Variants in CRPPA observed in about 807,000 individuals in gnomAD.
CRPPA encodes D-ribitol-5-phosphate cytidylyltransferase.
CRPPA carries 43 observed loss-of-function variants against 52.0 expected under a neutral mutation model. The ratio of observed to expected loss-of-function variants is 0.83; its 90% CI spans 0.65 to 1.07. CRPPA has a LOEUF of 1.07. Among genes scored for constraint, CRPPA ranks in the 50% least tolerant of loss-of-function variants. The probability of loss-of-function intolerance (pLI) is 0.00; values close to 1 mark genes in which losing one functional copy is unlikely to be tolerated. For synonymous variants in CRPPA, 250 were observed against 203.5 expected (o/e 1.23, Z -1.94); for missense variants, 629 against 551.7 (o/e 1.14, Z -1.40).
intron 5 of CRPPA, among the ~76,000 whole-genome samples, chr7:16,281,116 T>C (rs1044827256): frequency 3.9e-5 from 6 of 152,208 alleles, no homozygotes; most frequent in African/African-American, 1.2e-4. Flanking sequence ...CATTGCCACA[T>C]AAATTTTTAC....
intron 6 of CRPPA, among the ~76,000 whole-genome samples, chr7:16,270,894 T>C (rs569075388): frequency 2.0e-4 from 31 of 152,124 alleles, no homozygotes; most frequent in Non-Finnish European, 3.8e-4. Context: ...CTTTATTGCA[T>C]GTGCTAGTTT....
chr7:16,338,370 AG>A (rs143701915), intron 3 of CRPPA, among the ~76,000 whole-genome samples: 187 of 152,348 alleles, frequency 1.2e-3, no homozygotes, highest in African/African-American at 4.4e-3. Flanking sequence ...TTAGGTATGT[AG>A]GGAATATATC....
chr7:16,311,764 C>A (rs1785039372), intron 3 of CRPPA, among the ~76,000 whole-genome samples: 1 of 152,096 alleles, frequency 6.6e-6, no homozygotes, highest in African/African-American at 2.4e-5. Flanking sequence ...ACATTTAGGT[C>A]TGATCCATTT....
In CRPPA at chr7:16,259,117, A is replaced by G. The variant is rs1158890885; in HGVS notation, c.934-105T>C. On this transcript the variant is annotated intron_variant, in intron 6 of 9. Coordinates refer to ENST00000407010, the MANE Select transcript of CRPPA (RefSeq NM_001101426.4). ...TGCTAGAAGGCCCATAAAGCCAAGGACCATATATTTTTTAAAAAAATGAAA... is the reference window on the plus strand; with the variant it reads ...TGCTAGAAGGCCCATAAAGCCAAGGGCCATATATTTTTTAAAAAAATGAAA... 5 of 610,810 alleles carry G rather than the reference A, an allele frequency of 8.2e-6. No individual in the cohort carries two copies. In the African/African-American group the frequency reaches 1.5e-4, roughly 18 times the overall value. 37.8% of individuals were successfully genotyped at this position (610,810 alleles called of 1,614,324 possible).
chr7:16,170,583 G>C (rs373018230), intron 9 of CRPPA, among the ~76,000 whole-genome samples: 1 of 152,256 alleles, frequency 6.6e-6, no homozygotes, highest in East Asian at 1.9e-4. Context: ...CTTTCACAGT[G>C]TGGAAGAGAA....
At position 16,216,891 on chromosome 7, in the gene CRPPA, C is replaced by A. The variant is rs529895341; in HGVS notation, c.1120-694G>T. Among the ~76,000 whole-genome samples the A allele has an allele frequency of 7.3e-3, 1,104 of 152,088 alleles. 15 individuals are homozygous for A. Among genetic ancestry groups the A allele is most frequent in the African/African-American group, 0.024 (990 of 41,548 alleles). ...GGGCGCCCGCCATTGCCCAGGCTTGCTTAGGTAAACAAAGCAGCCGGGAAG... is the reference window on the plus strand; with the variant it reads ...GGGCGCCCGCCATTGCCCAGGCTTGATTAGGTAAACAAAGCAGCCGGGAAG... On this transcript the variant is annotated intron_variant, in intron 8 of 9. Transcript: ENST00000407010.
intron 3 of CRPPA, among the ~76,000 whole-genome samples, chr7:16,327,951 C>G (rs182624367): frequency 7.2e-5 from 11 of 152,266 alleles, no homozygotes; most frequent in Admixed American, 7.2e-4. Flanking sequence ...CACATATTGT[C>G]TTTGCCCAAA....
At chr7:16,248,340 A>T (rs1209604275) in intron 8 of CRPPA, among the ~76,000 whole-genome samples, 1 of 152,158 alleles carries the variant, frequency 6.6e-6, no homozygotes, top group Admixed American at 6.5e-5. Flanking sequence ...CTCTAACTCA[A>T]AAAGTAATTA....
intron 9 of CRPPA, among the ~76,000 whole-genome samples, chr7:16,131,112 G>A (rs1782672995): frequency 6.6e-6 from 1 of 152,150 alleles, no homozygotes; most frequent in Non-Finnish European, 1.5e-5. Context: ...TACTGTTATA[G>A]CAGCCTAAAC....
intron 8 of CRPPA, among the ~76,000 whole-genome samples, chr7:16,242,264 T>C (rs1286520856): frequency 1.3e-5 from 2 of 152,272 alleles, no homozygotes; most frequent in Non-Finnish European, 2.9e-5. Flanking sequence ...AAATCTAATC[T>C]TTTTAAAGTG....
intron 6 of CRPPA, among the ~76,000 whole-genome samples, chr7:16,264,742 C>T (rs1437432399): frequency 6.6e-6 from 1 of 152,204 alleles, no homozygotes. Flanking sequence ...TTTCTTTCCA[C>T]TCTGTGAACA....
At chr7:16,150,092 T>C (rs1783048592) in intron 9 of CRPPA, among the ~76,000 whole-genome samples, 1 of 152,160 alleles carries the variant, frequency 6.6e-6, no homozygotes, top group African/African-American at 2.4e-5. Flanking sequence ...ACGAAACTGG[T>C]ATTCCTCATT....
chr7:16,216,550 G>A, intron 8 of CRPPA: 1 of 219,280 alleles, frequency 4.6e-6, no homozygotes, highest in Non-Finnish European at 9.1e-6. Flanking sequence ...TCACTAGGGA[G>A]CGCCAGACAG....
chr7:16,415,447 G>C (rs1157454515), intron 1 of CRPPA, among the ~76,000 whole-genome samples: 1 of 152,122 alleles, frequency 6.6e-6, no homozygotes, highest in Non-Finnish European at 1.5e-5. Context: ...CTAATTCTCA[G>C]CCAGAGAATA....
rs532681780 is a variant in CRPPA, at chr7:16,399,460, T to G, written c.534+6601A>C. Among the ~76,000 whole-genome samples the G allele has an allele frequency of 2.4e-4, 36 of 151,964 alleles. No homozygotes were observed. In the East Asian group the frequency reaches 7.0e-3, roughly 30 times the overall value. ...TGGCACATGTCCAACATGTGACTGATACGAGATTGACAAGACGTTTGATCA... is the reference window on the plus strand; with the variant it reads ...TGGCACATGTCCAACATGTGACTGAGACGAGATTGACAAGACGTTTGATCA... On this transcript the variant is annotated intron_variant, in intron 2 of 9. Coordinates refer to ENST00000407010, the MANE Select transcript of CRPPA (RefSeq NM_001101426.4).
chr7:16,212,810 T>C (rs1417685030), intron 9 of CRPPA, among the ~76,000 whole-genome samples: 1 of 152,118 alleles, frequency 6.6e-6, no homozygotes, highest in Non-Finnish European at 1.5e-5. Flanking sequence ...TTGTCCGAGG[T>C]GATATAACTA....
intron 6 of CRPPA, among the ~76,000 whole-genome samples, chr7:16,268,133 T>C (rs886147489): frequency 3.3e-5 from 5 of 152,092 alleles, no homozygotes; most frequent in African/African-American, 1.2e-4. Context: ...GACAATCACT[T>C]AAATGACATG....
intron 2 of CRPPA, among the ~76,000 whole-genome samples, chr7:16,399,468 TGAC>T (rs1787732224): frequency 6.6e-6 from 1 of 151,290 alleles, no homozygotes; most frequent in African/African-American, 2.4e-5. Context: ...GATACGAGAT[TGAC>T]AAGACGTTTG....
intron 9 of CRPPA, among the ~76,000 whole-genome samples, chr7:16,136,695 T>C (rs1782768440): frequency 6.6e-6 from 1 of 152,222 alleles, no homozygotes; most frequent in South Asian, 2.1e-4. Flanking sequence ...TATGTGGATA[T>C]AAGATCTTCA....
Sources: gnomAD v4.1 joint callset for allele counts (sites outside exome capture counted in the v4.1 genomes callset) on GRCh38, gnomAD v4.1.1 for gene constraint, MANE v1.5 for transcripts, NCBI Gene and HGNC (gene_info 2026-07-23, HGNC 2026-07-21) for gene names.